TYW1B: variants seen among roughly 807,000 people sequenced by gnomAD.
The protein encoded by TYW1B is S-adenosyl-L-methionine-dependent tRNA 4-demethylwyosine synthase TYW1B.
In TYW1B, 73 loss-of-function variants were observed where a neutral mutation model predicts 86.9. The observed-to-expected ratio is 0.84, with a 90% confidence interval of 0.70 to 1.02. TYW1B has a LOEUF of 1.02. TYW1B is among the 50% of genes least tolerant of loss of function. The pLI, the probability that TYW1B is intolerant of heterozygous loss-of-function variation, is 0.00. For missense variants in TYW1B, 637 were observed against 827.4 expected (o/e 0.77, Z 2.82); for synonymous variants, 248 against 292.8 (o/e 0.85, Z 1.56).
At chr7:72,780,784 A>G (rs1291005001) in intron 6 of TYW1B, among the ~76,000 whole-genome samples, 2 of 152,180 alleles carry the variant, frequency 1.3e-5, no homozygotes, top group African/African-American at 4.8e-5. Context: ...CTCCATATGC[A>G]GTAGTAATTT....
intron 8 of TYW1B, among the ~76,000 whole-genome samples, chr7:72,734,154 A>G (rs79595259): frequency 2.6e-5 from 4 of 151,908 alleles, no homozygotes; most frequent in South Asian, 2.1e-4. Context: ...GCTACTTGGG[A>G]GGCTGAGGCA....
At chr7:72,677,967 G>A (rs1253283209) in intron 11 of TYW1B, among the ~76,000 whole-genome samples, 3 of 151,770 alleles carry the variant, frequency 2.0e-5, no homozygotes, top group Non-Finnish European at 4.4e-5. Context: ...CTCCAAAAGC[G>A]CTGAGATTAC....
intron 6 of TYW1B, 61 bp downstream of exon 6, chr7:72,802,339 G>T: frequency 6.2e-7 from 1 of 1,602,732 alleles, no homozygotes; most frequent in Non-Finnish European, 8.5e-7. Context: ...CAGTAATAAA[G>T]AAATACTAAA....
rs114188567 is a variant in TYW1B at position 72,663,212 on chromosome 7, G to A, written c.1506+31475C>T. On this transcript the variant is annotated intron_variant, in intron 11 of 13. Transcript: ENST00000620995. ...GGGGTTGTGGGGGGGTTGGCGGCAC[G>A]ATGACTTCTTTGTTATCTGTTTGTG... Among the ~76,000 whole-genome samples the A allele has an allele frequency of 6.7e-3, 1,021 of 152,034 alleles. 17 individuals are homozygous for A. The highest frequency in any genetic ancestry group is 0.024 in the African/African-American group (994 of 41,408).
At chr7:72,683,212 C>T (rs34122281) in intron 11 of TYW1B, among the ~76,000 whole-genome samples, 9 of 152,254 alleles carry the variant, frequency 5.9e-5, no homozygotes, top group Admixed American at 1.3e-4. Context: ...CCTGTCCCAA[C>T]GGGGAAGAAA....
chr7:72,717,351 C>A (rs1449154052), intron 9 of TYW1B, among the ~76,000 whole-genome samples: 2 of 151,516 alleles, frequency 1.3e-5, no homozygotes, highest in Non-Finnish European at 2.9e-5. Flanking sequence ...TCACTTAGTA[C>A]CTCCCCCACC....
At chr7:72,790,198 G>A (rs1368101908) in intron 6 of TYW1B, among the ~76,000 whole-genome samples, 12 of 151,592 alleles carry the variant, frequency 7.9e-5, no homozygotes, top group African/African-American at 2.4e-4. Context: ...CACCTGCCTC[G>A]GCCTCCCAAA....
intron 13 of TYW1B, among the ~76,000 whole-genome samples, chr7:72,599,830 C>T (rs1303054755): frequency 1.3e-5 from 2 of 152,000 alleles, no homozygotes; most frequent in Non-Finnish European, 1.5e-5. Flanking sequence ...AAAACAGATA[C>T]ACGATATATA....
chr7:72,783,634 C>A (rs1788084137), intron 6 of TYW1B, among the ~76,000 whole-genome samples: 1 of 152,230 alleles, frequency 6.6e-6, no homozygotes, highest in African/African-American at 2.4e-5. Flanking sequence ...CAATTTTCAC[C>A]ATTACTCAAA....
At chr7:72,679,929 A>G (rs1213858754) in intron 11 of TYW1B, among the ~76,000 whole-genome samples, 2 of 152,174 alleles carry the variant, frequency 1.3e-5, no homozygotes, top group African/African-American at 4.8e-5. Context: ...CAGGAGTTCG[A>G]GACCAACCTG....
At chr7:72,826,269 C>T (rs1238987312) in intron 2 of TYW1B, among the ~76,000 whole-genome samples, 1 of 152,190 alleles carries the variant, frequency 6.6e-6, no homozygotes, top group Non-Finnish European at 1.5e-5. Flanking sequence ...TCCATCAAGC[C>T]TAAATCGTTT....
chr7:72,745,255 C>G (rs1787375033), intron 7 of TYW1B, among the ~76,000 whole-genome samples: 1 of 152,138 alleles, frequency 6.6e-6, no homozygotes, highest in African/African-American at 2.4e-5. Flanking sequence ...AACTCCTGGT[C>G]TCAAGCGATC....
At chr7:72,827,062 G>T in intron 1 of TYW1B, 77 bp from the exon 2 acceptor site, 1 of 1,513,494 alleles carries the variant, frequency 6.6e-7, no homozygotes, top group Non-Finnish European at 8.9e-7. Flanking sequence ...ATTTTAAGAA[G>T]AAAATAAAAC....
At chr7:72,641,266 C>T (rs1812793557) in intron 11 of TYW1B, among the ~76,000 whole-genome samples, 1 of 151,998 alleles carries the variant, frequency 6.6e-6, no homozygotes, top group Non-Finnish European at 1.5e-5. Context: ...AATCAAAAAA[C>T]TCCCAACAAA....
At chr7:72,677,163 A>T (rs1454887835) in intron 11 of TYW1B, among the ~76,000 whole-genome samples, 4 of 152,022 alleles carry the variant, frequency 2.6e-5, no homozygotes, top group African/African-American at 9.7e-5. Flanking sequence ...TCATTCATTC[A>T]TTCGAGACAG....
intron 5 of TYW1B, among the ~76,000 whole-genome samples, chr7:72,806,634 CTTCT>C (rs1788500004): frequency 6.6e-6 from 1 of 151,794 alleles, no homozygotes; most frequent in South Asian, 2.1e-4. Context: ...TCACATCTTC[CTTCT>C]TTTTTTGTTA....
intron 2 of TYW1B, among the ~76,000 whole-genome samples, chr7:72,819,265 G>A (rs570913983): frequency 1.3e-5 from 2 of 152,122 alleles, no homozygotes; most frequent in East Asian, 1.9e-4. Context: ...AGGGGTCAGC[G>A]CAGGGTTTTA....
intron 6 of TYW1B, among the ~76,000 whole-genome samples, chr7:72,781,205 T>C (rs1254163591): frequency 6.6e-5 from 10 of 152,150 alleles, no homozygotes; most frequent in South Asian, 4.1e-4. Flanking sequence ...CAACGCGTGA[T>C]ACCAGAGGCA....
intron 11 of TYW1B, among the ~76,000 whole-genome samples, chr7:72,644,462 C>T (rs1314745291): frequency 6.6e-6 from 1 of 152,042 alleles, no homozygotes; most frequent in Non-Finnish European, 1.5e-5. Flanking sequence ...GCAGAAGAAT[C>T]GCTTGAACTC....
Sources: allele counts gnomAD v4.1 joint callset (sites outside exome capture counted in the v4.1 genomes callset), GRCh38; gene constraint gnomAD v4.1.1; transcripts MANE v1.5; gene names NCBI Gene and HGNC (gene_info 2026-07-23, HGNC 2026-07-21).